Variants in CD151 observed in about 807,000 individuals in gnomAD.
The protein encoded by CD151 is CD151 antigen.
In CD151, 20 loss-of-function variants were observed where a neutral mutation model predicts 34.2. The ratio of observed to expected loss-of-function variants is 0.58; its 90% CI spans 0.41 to 0.85. The LOEUF (loss-of-function observed/expected upper bound fraction) is 0.85, where lower values mean the gene tolerates loss of function less well. Among genes scored for constraint, CD151 ranks in the 40% least tolerant of loss-of-function variants. The pLI is 0.00. For missense variants in CD151, 306 were observed against 324.5 expected, an observed-to-expected ratio of 0.94 and a Z score of 0.44; for synonymous variants, 157 against 131.7, an observed-to-expected ratio of 1.19 and a Z score of -1.32.
At chr11:833,827 C>CCCT in intron 1 of CD151, among the ~76,000 whole-genome samples, 1 of 133,842 alleles carries the variant, frequency 7.5e-6, no homozygotes, top group Non-Finnish European at 1.6e-5. Context: ...CCCCGCCCCC[C>CCCT]GGTGGCAGAC....
At chr11:836,024 G>A (rs765489534) in intron 2 of CD151, 39 bp from the exon 3 acceptor site, 2 of 1,237,466 alleles carry the variant, frequency 1.6e-6, no homozygotes, top group African/African-American at 3.0e-5. Context: ...TCAGGGGCCC[G>A]GTGCTGTGGC....
intron 2 of CD151, 173 bp from the exon 3 acceptor site, chr11:835,890 T>C: frequency 1.7e-6 from 1 of 594,180 alleles, no homozygotes; most frequent in Non-Finnish European, 3.1e-6. Flanking sequence ...GGTTTCACCG[T>C]GTTAGCCAGG....
At chr11:833,401 C>T (rs559067792) in intron 1 of CD151, among the ~76,000 whole-genome samples, 1 of 152,198 alleles carries the variant, frequency 6.6e-6, no homozygotes, top group Non-Finnish European at 1.5e-5. Context: ...TCCCTCCGCC[C>T]GCAGCAGCCC....
At chr11:836,601 G>A (rs1370570663) in intron 4 of CD151, 159 bp downstream of exon 4, 1 of 837,664 alleles carries the variant, frequency 1.2e-6, no homozygotes, top group Non-Finnish European at 1.9e-6. Context: ...GTTCCTGCTG[G>A]ACCAGCTGAG....
Position 836,066 on chromosome 11 carries a change from C to T in CD151, c.-4C>T. Reference sequence around the variant, plus strand: ...GACCCCTCCCCTGCCTCCTCAGCCCCAGGATGGGTGAGTTCAACGAGAAGA... The same window carrying T: ...GACCCCTCCCCTGCCTCCTCAGCCCTAGGATGGGTGAGTTCAACGAGAAGA... On this transcript the variant is annotated 5_prime_UTR_variant, in exon 3 of 9. Coordinates refer to ENST00000397420, the MANE Select transcript of CD151 (RefSeq NM_004357.5). The T allele has an allele frequency of 6.2e-7, 1 of 1,607,978 alleles. No individual in the cohort carries two copies. The highest frequency in any genetic ancestry group is 1.1e-5 in the South Asian group (1 of 90,890).
rs372735477 is a variant in CD151 at position 837,932 on chromosome 11, C to T, written c.616-10C>T. 43 of 1,606,770 alleles carry T rather than the reference C, an allele frequency of 2.7e-5. No homozygotes were observed. Among genetic ancestry groups the T allele is most frequent in the Middle Eastern group, 3.3e-4 (2 of 6,026 alleles). ...TGGGCCCGCCTTCAACACCCATCCG[C>T]GCCCCGCAGGGCGGCTGCATCACCA... On this transcript the variant is annotated splice_polypyrimidine_tract_variant and intron_variant, in intron 7 of 8. Transcript: ENST00000397420.
At position 838,185 on chromosome 11, in the gene CD151, A is replaced by G. The variant is rs1479568150; in HGVS notation, c.755A>G (p.His252Arg). Reference sequence around the variant, plus strand: ...CTGTACAGGAGTCTCAAGCTGGAGCACTACTGACCCTGCCTTGGGCCTTGC... The same window carrying G: ...CTGTACAGGAGTCTCAAGCTGGAGCGCTACTGACCCTGCCTTGGGCCTTGC... ...CCLYRSLKLEHY is the reference protein window; with the variant it reads ...CCLYRSLKLERY The change falls in exon 9 of 9, where the codon CAC becomes CGC. Residue 252 changes from histidine (H) to arginine (R), a missense_variant. Transcript: ENST00000397420. The G allele has an allele frequency of 6.2e-7, 1 of 1,612,848 alleles. No homozygotes were observed. Among genetic ancestry groups the G allele is most frequent in the South Asian group, 1.1e-5 (1 of 91,086 alleles).
intron 5 of CD151, 80 bp downstream of exon 5, chr11:836,923 A>G (rs1429947252): frequency 8.1e-7 from 1 of 1,241,196 alleles, no homozygotes; most frequent in African/African-American, 1.5e-5. Context: ...ACGCGTGGCT[A>G]GCCCCAACCC....
In CD151 at chr11:837,929, C is replaced by G; in HGVS notation, c.616-13C>G. On this transcript the variant is annotated splice_polypyrimidine_tract_variant and intron_variant, in intron 7 of 8. Transcript: ENST00000397420. ...CCCTGGGCCCGCCTTCAACACCCAT[C>G]CGCGCCCCGCAGGGCGGCTGCATCA... 1 of 1,604,270 alleles carries G rather than the reference C, an allele frequency of 6.2e-7. No homozygotes were observed.
intron 1 of CD151, among the ~76,000 whole-genome samples, chr11:833,826 C>T (rs58053582): frequency 0.18 from 6,988 of 39,412 alleles, 969 homozygotes; most frequent in Non-Finnish European, 0.22. Flanking sequence ...ACCCCGCCCC[C>T]CGGTGGCAGA....
chr11:835,508 T>G (rs2133957848), intron 2 of CD151: 1 of 150,504 alleles, frequency 6.6e-6, no homozygotes, highest in Non-Finnish European at 1.5e-5. Context: ...CCAGTTAATT[T>G]TTGTATATTT....
rs1846830669 is a variant in CD151, at chr11:837,724, G to A, written c.615+106G>A. The A allele has an allele frequency of 6.5e-6, 8 of 1,231,054 alleles. No individual in the cohort carries two copies. The South Asian group carries it at 6.7e-5, about 10-fold the overall frequency. 76.3% of individuals were successfully genotyped at this position (1,231,054 alleles called of 1,614,324 possible). A position where few individuals can be genotyped will look rare whatever the true frequency, so the allele number is the denominator to read the frequency against. On this transcript the variant is annotated intron_variant, in intron 7 of 8. Transcript: ENST00000397420. ...ACACGCCTCCAATATCTACCAGGAG[G>A]TGGGGGGTCACCCCAGTGGCCGGAT... is the stretch of plus-strand genomic sequence containing the variant.
Position 838,707 on chromosome 11 carries a change from T to TTTC in CD151, c.*515_*516insTTC. On this transcript the variant is annotated 3_prime_UTR_variant, in exon 9 of 9. Coordinates refer to ENST00000397420, the MANE Select transcript of CD151 (RefSeq NM_004357.5). ...ACCACCCGAAATGCCACGTGGTCAC[T>TTTC]GTGCACTGCCCTGTTCATGTGCCTC... is the stretch of plus-strand genomic sequence containing the variant. 1 of 198,336 alleles carries TTTC rather than the reference T, an allele frequency of 5.0e-6. No individual in the cohort carries two copies. The highest frequency in any genetic ancestry group is 1.0e-5 in the Non-Finnish European group (1 of 95,646). The allele number at this position is 198,336 out of a possible 1,614,324, so 12.3% of individuals were successfully genotyped here. A position where few individuals can be genotyped will look rare whatever the true frequency, so the allele number is the denominator to read the frequency against.
In CD151 at chr11:837,062, A is replaced by C. The variant is rs112238842; in HGVS notation, c.352-188A>C. On this transcript the variant is annotated intron_variant, in intron 5 of 8. Coordinates refer to ENST00000397420, the MANE Select transcript of CD151 (RefSeq NM_004357.5). The stretch of plus-strand genomic sequence containing the variant: ...CAGAAGCTCTCTCTGCCTCTGCCGC[A>C]CTTCATTGTCACCCTGGTGACGGTC... 5 of 657,192 alleles carry C rather than the reference A, an allele frequency of 7.6e-6. No homozygotes were observed. The Admixed American group carries it at 9.8e-5, about 13-fold the overall frequency. 40.7% of individuals were successfully genotyped at this position (657,192 alleles called of 1,614,324 possible). A position where few individuals can be genotyped will look rare whatever the true frequency, so the allele number is the denominator to read the frequency against.
chr11:834,012 G>A (rs1179527526), intron 1 of CD151: 1 of 152,378 alleles, frequency 6.6e-6, no homozygotes, highest in Non-Finnish European at 1.5e-5. Context: ...TGTTTGTGGG[G>A]GAAGGGCCAG....
chr11:838,428 C>T lies in CD151; in HGVS notation c.*236C>T, dbSNP rs1011501222. ...TTTTGTGGGGCTCCCCAGACACACT[C>T]TCTGCCTGGTGGTCAGATGCAGGTT... is the stretch of plus-strand genomic sequence containing the variant. On this transcript the variant is annotated 3_prime_UTR_variant, in exon 9 of 9. Transcript: ENST00000397420. The T allele has an allele frequency of 8.4e-6, 5 of 594,532 alleles. No homozygotes were observed. Among genetic ancestry groups the T allele is most frequent in the Middle Eastern group, 4.5e-4 (1 of 2,242 alleles). The allele number at this position is 594,532 out of a possible 1,614,324, so 36.8% of individuals were successfully genotyped here.
chr11:838,100 C>A (rs202108260), intron 8 of CD151, 33 bp from the exon 9 acceptor site: 2 of 1,609,248 alleles, frequency 1.2e-6, no homozygotes, highest in African/African-American at 2.7e-5. Flanking sequence ...GGCCCCATGA[C>A]GTCTGCTTAC....
rs1232808505 is a variant in CD151 at position 837,638 on chromosome 11, A to C, written c.615+20A>C. On this transcript the variant is annotated intron_variant, in intron 7 of 8. Transcript: ENST00000397420. ...GTGGAGGTGGGTGTGCAGCGGGATC[A>C]TGCCTCCAGTGTCTACGAGGTGGTG... The C allele has an allele frequency of 6.2e-7, 1 of 1,605,252 alleles. No individual in the cohort carries two copies. Among genetic ancestry groups the C allele is most frequent in the South Asian group, 1.1e-5 (1 of 90,770 alleles).
At chr11:834,210 T>G (rs1846667391) in intron 1 of CD151, 1 of 152,054 alleles carries the variant, frequency 6.6e-6, no homozygotes, top group African/African-American at 2.4e-5. Context: ...AATACAAACA[T>G]TAGCTGGGCG....
Sources: allele counts gnomAD v4.1 joint callset (sites outside exome capture counted in the v4.1 genomes callset), GRCh38; gene constraint gnomAD v4.1.1; transcripts MANE v1.5; gene names NCBI Gene and HGNC (gene_info 2026-07-23, HGNC 2026-07-21).